SCOC: variants seen among roughly 807,000 people sequenced by gnomAD.
SCOC encodes the protein short coiled coil protein.
A neutral mutation model predicts 9.9 loss-of-function variants in SCOC; 7 were observed. The observed-to-expected ratio is 0.71, with a 90% CI of 0.40 to 1.33. The LOEUF (loss-of-function observed/expected upper bound fraction) is 1.33. Ranked by LOEUF, SCOC falls within the 40% of genes most tolerant of loss-of-function variation. The probability of loss-of-function intolerance (pLI) is 0.01; values close to 1 mark genes in which losing one functional copy is unlikely to be tolerated. For missense variants in SCOC, 66 were observed against 89.7 expected, an observed-to-expected ratio of 0.74 and a Z score of 1.07; for synonymous variants, 19 against 28.2, an observed-to-expected ratio of 0.67 and a Z score of 1.03.
At chr4:140,275,119 G>T (rs889962726) in intron 1 of SCOC, among the ~76,000 whole-genome samples, 2 of 152,136 alleles carry the variant, frequency 1.3e-5, no homozygotes, top group African/African-American at 4.8e-5. Flanking sequence ...TCCATGCAAG[G>T]CTTCTTTTAT....
intron 2 of SCOC, chr4:140,366,829 C>A (rs1041749296): frequency 3.3e-6 from 3 of 910,932 alleles, no homozygotes; most frequent in East Asian, 2.4e-5. Flanking sequence ...GTAGCCCACA[C>A]GGCCAACCTC....
At chr4:140,335,857 C>T (rs1388546381) in intron 1 of SCOC, among the ~76,000 whole-genome samples, 2 of 152,156 alleles carry the variant, frequency 1.3e-5, no homozygotes, top group Non-Finnish European at 2.9e-5. Context: ...AACCCCAATA[C>T]CGATTAGCAT....
intron 1 of SCOC, among the ~76,000 whole-genome samples, chr4:140,375,225 G>A (rs1037945195): frequency 1.3e-5 from 2 of 152,142 alleles, no homozygotes; most frequent in African/African-American, 4.8e-5. Context: ...TGGACCAGAT[G>A]GTTTTCTTTA....
At chr4:140,306,522 G>A (rs550266513) in intron 1 of SCOC, among the ~76,000 whole-genome samples, 4 of 152,270 alleles carry the variant, frequency 2.6e-5, no homozygotes, top group East Asian at 1.9e-4. Flanking sequence ...AACAGGAGAT[G>A]TAGAGGCAAA....
chr4:140,260,912 T>C (rs1245452302), intron 1 of SCOC, among the ~76,000 whole-genome samples: 1 of 152,218 alleles, frequency 6.6e-6, no homozygotes, highest in Non-Finnish European at 1.5e-5. Context: ...AAAAAACAGC[T>C]GATTAATAGT....
chr4:140,374,822 T>C (rs1444483615), intron 1 of SCOC, among the ~76,000 whole-genome samples: 1 of 152,212 alleles, frequency 6.6e-6, no homozygotes, highest in Non-Finnish European at 1.5e-5. Context: ...CTGTGAAACC[T>C]CTGAAACAGC....
chr4:140,267,713 C>T (rs1038782028), intron 1 of SCOC, among the ~76,000 whole-genome samples: 3 of 152,112 alleles, frequency 2.0e-5, no homozygotes, highest in Non-Finnish European at 2.9e-5. Flanking sequence ...CCCTGAGCTC[C>T]GGGAACCCCC....
chr4:140,292,426 TG>T (rs1381467319), intron 1 of SCOC, among the ~76,000 whole-genome samples: 9 of 152,276 alleles, frequency 5.9e-5, no homozygotes, highest in African/African-American at 2.2e-4. Context: ...TGATGTCAAG[TG>T]ATCCACCCAC....
chr4:140,371,839 A>T (rs180740436), upstream of SCOC, among the ~76,000 whole-genome samples: 196 of 152,370 alleles, frequency 1.3e-3, 2 homozygotes, highest in African/African-American at 4.4e-3. Context: ...TATTCACAAT[A>T]GCCAAAAGGA....
chr4:140,282,568 T>A (rs1389997330), intron 1 of SCOC, among the ~76,000 whole-genome samples: 1 of 152,208 alleles, frequency 6.6e-6, no homozygotes, highest in Non-Finnish European at 1.5e-5. Flanking sequence ...ATTAGACAGA[T>A]GCACAGAGAA....
chr4:140,378,928 T>G (rs143661320), intron 1 of SCOC, among the ~76,000 whole-genome samples, 193 bp from the exon 2 acceptor site: 78 of 152,316 alleles, frequency 5.1e-4, no homozygotes, highest in African/African-American at 1.8e-3. Context: ...ATTTTTTGAT[T>G]ATCAAGAAGC....
intron 1 of SCOC, among the ~76,000 whole-genome samples, chr4:140,303,194 C>T (rs1428654932): frequency 6.6e-6 from 1 of 152,188 alleles, no homozygotes; most frequent in Non-Finnish European, 1.5e-5. Flanking sequence ...TTGATAGTTA[C>T]ACCCAGCAGT....
chr4:140,273,890 C>A (rs905485116), intron 1 of SCOC, among the ~76,000 whole-genome samples: 1 of 152,224 alleles, frequency 6.6e-6, no homozygotes, highest in African/African-American at 2.4e-5. Context: ...CATGTTCAAA[C>A]ATATTCAGAT....
At chr4:140,296,370 C>T (rs891388372) in intron 1 of SCOC, among the ~76,000 whole-genome samples, 5 of 152,164 alleles carry the variant, frequency 3.3e-5, no homozygotes, top group Non-Finnish European at 5.9e-5. Flanking sequence ...TTCAGAACTA[C>T]TAAGGGTGGA....
chr4:140,373,834 C>T (rs1472151418), intron 1 of SCOC, 117 bp downstream of exon 1: 6 of 1,156,666 alleles, frequency 5.2e-6, no homozygotes, highest in Non-Finnish European at 5.0e-6. Flanking sequence ...GCACCGGGGG[C>T]CCGGGAGGAG....
chr4:140,381,263 A>G lies in SCOC; in HGVS notation c.*159A>G, dbSNP rs1157391540. The G allele has an allele frequency of 1.7e-5, 11 of 641,226 alleles. No individual in the cohort carries two copies. In the Admixed American group the frequency reaches 1.9e-4, roughly 11 times the overall value. 39.7% of individuals were successfully genotyped at this position (641,226 alleles called of 1,614,324 possible). On this transcript the variant is annotated 3_prime_UTR_variant, in exon 4 of 4. Transcript: ENST00000608372. ...AATAACACAATAACAGGAGACTTCC[A>G]TAAGTTTGTGTATTATGTTAGTCTA...
At chr4:140,362,629 G>C (rs554242735) in intron 2 of SCOC, 1 of 152,098 alleles carries the variant, frequency 6.6e-6, no homozygotes, top group South Asian at 2.1e-4. Flanking sequence ...TGGTCAAATA[G>C]TGGAAAAGAA....
At chr4:140,284,555 C>A (rs1731175484) in intron 1 of SCOC, 1 of 152,096 alleles carries the variant, frequency 6.6e-6, no homozygotes, top group African/African-American at 2.4e-5. Flanking sequence ...AGAAACATTG[C>A]ATAGATGCTT....
At chr4:140,346,458 C>A (rs1313440129) in intron 2 of SCOC, among the ~76,000 whole-genome samples, 2 of 152,158 alleles carry the variant, frequency 1.3e-5, no homozygotes, top group African/African-American at 4.8e-5. Flanking sequence ...CTCCTTTTAC[C>A]TCCATCGCCT....
Sources: gnomAD v4.1 joint callset for allele counts (sites outside exome capture counted in the v4.1 genomes callset) on GRCh38, gnomAD v4.1.1 for gene constraint, MANE v1.5 for transcripts, NCBI Gene and HGNC (gene_info 2026-07-23, HGNC 2026-07-21) for gene names.